WWOX: variants seen among roughly 807,000 people sequenced by gnomAD.
WWOX encodes WW domain-containing oxidoreductase.
WWOX carries 69 observed loss-of-function variants against 46.2 expected under a neutral mutation model. That is an observed-to-expected ratio of 1.49 (90% CI 1.23 to 1.82). WWOX has a LOEUF of 1.82. Among genes scored for constraint, WWOX ranks in the 40% most tolerant of loss-of-function variants. The pLI is 0.00. For synonymous variants in WWOX, 359 were observed against 202.6 expected, an observed-to-expected ratio of 1.77 and a Z score of -6.56; for missense variants, 919 against 542.6, an observed-to-expected ratio of 1.69 and a Z score of -6.89.
chr16:78,799,555 G>T (rs2216730), intron 8 of WWOX, among the ~76,000 whole-genome samples: 122,138 of 152,082 alleles, frequency 0.8, 49,300 homozygotes, highest in Middle Eastern at 0.87. Context: ...GAATCTCTGC[G>T]TATGGAATTG....
At chr16:78,206,277 G>C (rs1032213374) in intron 5 of WWOX, among the ~76,000 whole-genome samples, 1 of 152,018 alleles carries the variant, frequency 6.6e-6, no homozygotes, top group Non-Finnish European at 1.5e-5. Flanking sequence ...AAATGAGCCT[G>C]TCATTGAAAT....
At chr16:78,756,334 T>A (rs553276714) in intron 8 of WWOX, among the ~76,000 whole-genome samples, 1 of 151,814 alleles carries the variant, frequency 6.6e-6, no homozygotes, top group South Asian at 2.1e-4. Flanking sequence ...CAAAAAAAAA[T>A]CAATAAAATG....
At chr16:78,691,827 C>T (rs576629613) in intron 8 of WWOX, among the ~76,000 whole-genome samples, 2 of 152,282 alleles carry the variant, frequency 1.3e-5, no homozygotes, top group South Asian at 4.1e-4. Flanking sequence ...TGTCCCCACC[C>T]AAATCTCAAC....
intron 6 of WWOX, among the ~76,000 whole-genome samples, chr16:78,419,481 A>G (rs1020246709): frequency 2.0e-5 from 3 of 152,108 alleles, no homozygotes. Flanking sequence ...AAATGAATCC[A>G]TGCATATTGT....
chr16:78,933,453 CAAAA>C lies in WWOX; in HGVS notation c.1057-278151_1057-278148del, dbSNP rs148253774. 1.2e-3 allele frequency among the ~76,000 whole-genome samples: 177 copies of C among 152,044 alleles called. 2 individuals carry two copies. In the East Asian group the frequency reaches 0.027, roughly 23 times the overall value. On this transcript the variant is annotated intron_variant, in intron 8 of 8. Transcript: ENST00000566780. ...GACTCCGTCTCAAGAAACAAACAAA[CAAAA>C]AAAGTCAAGATGTTGACATAACAGT...
In WWOX at chr16:78,406,291, C is replaced by CATATAAATATAAATATAA. The variant is rs749138794; in HGVS notation, c.606-18562_606-18561insAATATAAATATAAATATA. Among the ~76,000 whole-genome samples the CATATAAATATAAATATAA allele has an allele frequency of 3.2e-5, 3 of 93,130 alleles. 1 individual carries two copies. In the East Asian group the frequency reaches 1.3e-3, roughly 39 times the overall value. 61.1% of individuals were successfully genotyped at this position (93,130 alleles called of 152,430 possible). Reference sequence around the variant, plus strand: ...TGATATAATTTCCATTACATTACAGCATATAAATATAAATATATATATATA... The same window carrying CATATAAATATAAATATAA: ...TGATATAATTTCCATTACATTACAGCATATAAATATAAATATAAATATAAATATAAATATATATATATA... On this transcript the variant is annotated intron_variant, in intron 6 of 8. Transcript: ENST00000566780.
chr16:78,470,854 G>C (rs1880733640), intron 8 of WWOX, among the ~76,000 whole-genome samples: 2 of 152,178 alleles, frequency 1.3e-5, no homozygotes, highest in African/African-American at 4.8e-5. Flanking sequence ...CTATTGTCCA[G>C]TGTGGTAGGT....
At chr16:78,262,532 G>T (rs2079268555) in intron 5 of WWOX, among the ~76,000 whole-genome samples, 1 of 152,202 alleles carries the variant, frequency 6.6e-6, no homozygotes, top group Non-Finnish European at 1.5e-5. Flanking sequence ...CAGCCATTCA[G>T]TTGACTTCCT....
chr16:79,000,972 C>T (rs1408341622), intron 8 of WWOX, among the ~76,000 whole-genome samples: 1 of 152,096 alleles, frequency 6.6e-6, no homozygotes, highest in Non-Finnish European at 1.5e-5. Context: ...TATGAGATTC[C>T]TAGGGCCTAC....
Position 78,539,667 on chromosome 16 carries a change from C to G in WWOX, c.1056+106915C>G, listed in dbSNP as rs527745227. 3.3e-5 allele frequency among the ~76,000 whole-genome samples: 5 copies of G among 152,300 alleles called. No individual in the cohort carries two copies. In the East Asian group the frequency reaches 9.7e-4, roughly 29 times the overall value. ...TGTGTGCAAATTGTACTTGCAGTGG[C>G]TGCCTGGGAAATGAAATTTCTGCAC... On this transcript the variant is annotated intron_variant, in intron 8 of 8. Coordinates refer to ENST00000566780, the MANE Select transcript of WWOX (RefSeq NM_016373.4).
intron 8 of WWOX, among the ~76,000 whole-genome samples, chr16:79,040,986 C>G (rs572216550): frequency 2.6e-5 from 4 of 152,114 alleles, no homozygotes; most frequent in Admixed American, 2.0e-4. Context: ...CCTGAAATCC[C>G]TAGTTACTAG....
chr16:79,198,532 C>T (rs1397387821), intron 8 of WWOX, among the ~76,000 whole-genome samples: 1 of 152,126 alleles, frequency 6.6e-6, no homozygotes, highest in Non-Finnish European at 1.5e-5. Flanking sequence ...CTCAGGTGCC[C>T]CTTGGTGGAG....
chr16:78,335,987 A>G lies in WWOX; in HGVS notation c.517-50873A>G, dbSNP rs1235309488. 2.0e-5 allele frequency among the ~76,000 whole-genome samples: 3 copies of G among 151,838 alleles called. No individual in the cohort carries two copies. In the South Asian group the frequency reaches 6.2e-4, roughly 32 times the overall value. On this transcript the variant is annotated intron_variant, in intron 5 of 8. Coordinates refer to ENST00000566780, the MANE Select transcript of WWOX (RefSeq NM_016373.4). ...CACACCTGTAGTCCCAGCTATTTGG[A>G]AGGCTGGGGCAGGAGAATCGCTTGA...
intron 8 of WWOX, among the ~76,000 whole-genome samples, chr16:78,753,304 G>A (rs2049533937): frequency 6.6e-6 from 1 of 151,646 alleles, no homozygotes. Flanking sequence ...GAGCGACAGA[G>A]TGAGACTCCG....
chr16:78,257,444 C>T (rs370477265), intron 5 of WWOX, among the ~76,000 whole-genome samples: 2 of 152,150 alleles, frequency 1.3e-5, no homozygotes, highest in Non-Finnish European at 2.9e-5. Context: ...CAGGCTCCTC[C>T]GAGCCAGGGA....
rs577100113 is a variant in WWOX at position 78,945,209 on chromosome 16, G to C, written c.1057-266399G>C. Among the ~76,000 whole-genome samples, 3 of 151,772 alleles carry C rather than the reference G, an allele frequency of 2.0e-5. No homozygotes were observed. In the East Asian group the frequency reaches 5.8e-4, roughly 29 times the overall value. ...AAAGAAAAAGAAAAAGAAAGAAAAAGCTTTGCCTGTATATGTAGAACAAAT... is the reference window on the plus strand; with the variant it reads ...AAAGAAAAAGAAAAAGAAAGAAAAACCTTTGCCTGTATATGTAGAACAAAT... On this transcript the variant is annotated intron_variant, in intron 8 of 8. Transcript: ENST00000566780.
At chr16:78,110,773 C>G (rs1367251457) in intron 3 of WWOX, among the ~76,000 whole-genome samples, 1 of 152,182 alleles carries the variant, frequency 6.6e-6, no homozygotes, top group Non-Finnish European at 1.5e-5. Flanking sequence ...TTATCCCTAG[C>G]TTACTGCCAG....
chr16:78,634,581 C>T (rs566323312), intron 8 of WWOX, among the ~76,000 whole-genome samples: 1 of 152,006 alleles, frequency 6.6e-6, no homozygotes, highest in Non-Finnish European at 1.5e-5. Flanking sequence ...TGGCGGGCGC[C>T]TGTAATCCCA....
intron 8 of WWOX, among the ~76,000 whole-genome samples, chr16:79,109,193 A>T (rs10221020): frequency 1.6e-4 from 25 of 152,210 alleles, no homozygotes; most frequent in African/African-American, 6.0e-4. Flanking sequence ...TGTAAACTGT[A>T]CTAAGCCGAA....
Sources: gnomAD v4.1 joint callset for allele counts (sites outside exome capture counted in the v4.1 genomes callset) on GRCh38, gnomAD v4.1.1 for gene constraint, MANE v1.5 for transcripts, NCBI Gene and HGNC (gene_info 2026-07-23, HGNC 2026-07-21) for gene names.